Variants in TNR observed in about 807,000 individuals in gnomAD.
TNR encodes the protein tenascin R.
A neutral mutation model predicts 150.4 loss-of-function variants in TNR; 45 were observed. The observed-to-expected ratio is 0.30, with a 90% confidence interval of 0.24 to 0.38. The LOEUF (loss-of-function observed/expected upper bound fraction) is 0.38. Among genes scored for constraint, TNR ranks in the 10% least tolerant of loss-of-function variants. The pLI is 1.00. For missense variants in TNR, 1,544 were observed against 1,759.1 expected (o/e 0.88, Z 2.19); for synonymous variants, 687 against 678.4 (o/e 1.01, Z -0.20).
In TNR at chr1:175,598,225, C is replaced by T. The variant is rs953076212; in HGVS notation, c.-164-69856G>A. On this transcript the variant is annotated intron_variant, in intron 1 of 22. Coordinates refer to ENST00000367674, the MANE Select transcript of TNR (RefSeq NM_003285.3). ...GGAAGTAAAGATCACCATGCAAATG[C>T]GAGGTGTTTTCCCACCGGTGATTCA... Among the ~76,000 whole-genome samples, 23 of 152,146 alleles carry T rather than the reference C, an allele frequency of 1.5e-4. 1 individual carries two copies. Among genetic ancestry groups the T allele is most frequent in the Admixed American group, 1.4e-3 (21 of 15,270 alleles).
At chr1:175,404,839 A>C (rs1168929800) in intron 3 of TNR, among the ~76,000 whole-genome samples, 1 of 152,228 alleles carries the variant, frequency 6.6e-6, no homozygotes, top group East Asian at 1.9e-4. Context: ...TTGTCATTGA[A>C]GCACAGGAGA....
At chr1:175,383,027 T>C (rs1652759355) in intron 8 of TNR, among the ~76,000 whole-genome samples, 1 of 152,204 alleles carries the variant, frequency 6.6e-6, no homozygotes, top group Non-Finnish European at 1.5e-5. Flanking sequence ...AGTGATTTGC[T>C]GGTGATCTTT....
intron 1 of TNR, among the ~76,000 whole-genome samples, chr1:175,560,844 T>G (rs1244020473): frequency 1.3e-5 from 2 of 152,254 alleles, no homozygotes; most frequent in African/African-American, 4.8e-5. Context: ...TTTGAAAACT[T>G]TTAAAGCCTC....
intron 1 of TNR, among the ~76,000 whole-genome samples, chr1:175,534,021 A>G (rs570421862): frequency 4.6e-5 from 7 of 152,236 alleles, no homozygotes; most frequent in Non-Finnish European, 7.3e-5. Flanking sequence ...TGAACTGAAG[A>G]AGAGAAGAGA....
chr1:175,344,062 C>T (rs1304918471), intron 18 of TNR, among the ~76,000 whole-genome samples: 1 of 152,206 alleles, frequency 6.6e-6, no homozygotes, highest in African/African-American at 2.4e-5. Context: ...GGTGAGAGTG[C>T]ACCTGGGCAA....
At chr1:175,467,432 G>A (rs895946212) in intron 2 of TNR, among the ~76,000 whole-genome samples, 1 of 152,202 alleles carries the variant, frequency 6.6e-6, no homozygotes, top group African/African-American at 2.4e-5. Context: ...TAAAATTAAG[G>A]TATGAGTGAC....
At chr1:175,369,151 T>C (rs1651976299) in intron 9 of TNR, among the ~76,000 whole-genome samples, 1 of 152,222 alleles carries the variant, frequency 6.6e-6, no homozygotes, top group Non-Finnish European at 1.5e-5. Flanking sequence ...GATTGTGTTT[T>C]AGAGTCTCAT....
At chr1:175,535,330 G>A (rs968203914) in intron 1 of TNR, among the ~76,000 whole-genome samples, 4 of 152,214 alleles carry the variant, frequency 2.6e-5, no homozygotes, top group South Asian at 2.1e-4. Flanking sequence ...CGAGCTCCAC[G>A]TCTCAACAGT....
At chr1:175,456,827 G>T (rs372446449) in intron 2 of TNR, among the ~76,000 whole-genome samples, 12 of 152,250 alleles carry the variant, frequency 7.9e-5, no homozygotes, top group African/African-American at 2.9e-4. Flanking sequence ...TCTTAAAAAA[G>T]TTGAAATGAT....
Position 175,542,207 on chromosome 1 carries a change from C to T in TNR, c.-164-13838G>A, listed in dbSNP as rs185023130. On this transcript the variant is annotated intron_variant, in intron 1 of 22. Transcript: ENST00000367674. ...AAGAAATAAAAGAATTCTTCCAACCCGAATGCAGGCCCTCCCTCTCTCAGC... is the reference window on the plus strand; with the variant it reads ...AAGAAATAAAAGAATTCTTCCAACCTGAATGCAGGCCCTCCCTCTCTCAGC... Among the ~76,000 whole-genome samples, 218 of 152,258 alleles carry T rather than the reference C, an allele frequency of 1.4e-3. 4 individuals are homozygous for T. The highest frequency in any genetic ancestry group is 2.4e-4 in the Non-Finnish European group (16 of 68,004).
chr1:175,336,360 A>G (rs1047630436), intron 19 of TNR, among the ~76,000 whole-genome samples: 1 of 152,262 alleles, frequency 6.6e-6, no homozygotes, highest in Non-Finnish European at 1.5e-5. Context: ...GGAGGCACAC[A>G]TATGTCAGAA....
chr1:175,709,848 G>A (rs958599816), intron 1 of TNR, among the ~76,000 whole-genome samples: 1 of 151,722 alleles, frequency 6.6e-6, no homozygotes, highest in African/African-American at 2.4e-5. Flanking sequence ...TCTGCTTGGT[G>A]TTCAGACATG....
chr1:175,621,972 G>T (rs1469925343), intron 1 of TNR, among the ~76,000 whole-genome samples: 1 of 152,170 alleles, frequency 6.6e-6, no homozygotes, highest in African/African-American at 2.4e-5. Flanking sequence ...ATCTCTGCAG[G>T]TTTAGTTCCG....
At position 175,409,672 on chromosome 1, in the gene TNR, C is replaced by T. The variant is rs550697188; in HGVS notation, c.-63-2895G>A. On this transcript the variant is annotated intron_variant, in intron 2 of 22. Coordinates refer to ENST00000367674, the MANE Select transcript of TNR (RefSeq NM_003285.3). Reference sequence around the variant, plus strand: ...CTGATTATTGATCACTTCTAGGTGCCTGGGATGTTGAAGGGACTCAAAATC... The same window carrying T: ...CTGATTATTGATCACTTCTAGGTGCTTGGGATGTTGAAGGGACTCAAAATC... Among the ~76,000 whole-genome samples the T allele has an allele frequency of 1.1e-4, 16 of 152,096 alleles. No individual in the cohort carries two copies. In the South Asian group the frequency reaches 3.3e-3, roughly 32 times the overall value.
At chr1:175,373,552 A>G (rs1175969147) in intron 9 of TNR, among the ~76,000 whole-genome samples, 1 of 152,204 alleles carries the variant, frequency 6.6e-6, no homozygotes, top group Non-Finnish European at 1.5e-5. Flanking sequence ...GAAGCAGCCA[A>G]TTCCATCCTG....
intron 1 of TNR, among the ~76,000 whole-genome samples, chr1:175,663,260 A>G (rs999984408): frequency 2.0e-5 from 3 of 152,098 alleles, no homozygotes; most frequent in Admixed American, 1.3e-4. Context: ...TTCCCCTCAG[A>G]ATCTCAAGTG....
intron 1 of TNR, among the ~76,000 whole-genome samples, chr1:175,655,339 T>C (rs1665138967): frequency 6.6e-6 from 1 of 152,246 alleles, no homozygotes; most frequent in Non-Finnish European, 1.5e-5. Context: ...TAATTCACCC[T>C]ATGTCCAACT....
chr1:175,417,055 G>GAAAGAAAGAAAGAAAGAA (rs1273346712), intron 2 of TNR, among the ~76,000 whole-genome samples: 13 of 103,734 alleles, frequency 1.3e-4, no homozygotes, highest in African/African-American at 4.0e-4. Context: ...AAGAAAGAAA[G>GAAAGAAAGAAAGAAAGAA]AAAGAAAGAA....
intron 1 of TNR, among the ~76,000 whole-genome samples, chr1:175,611,519 A>G (rs1663597635): frequency 6.6e-6 from 1 of 152,116 alleles, no homozygotes; most frequent in Admixed American, 6.6e-5. Context: ...ATTTTTAAAG[A>G]GATGGGGTCT....
Sources: gnomAD v4.1 joint callset for allele counts (sites outside exome capture counted in the v4.1 genomes callset) on GRCh38, gnomAD v4.1.1 for gene constraint, MANE v1.5 for transcripts, NCBI Gene and HGNC (gene_info 2026-07-23, HGNC 2026-07-21) for gene names.